Variants in TENM2 observed in about 807,000 individuals in gnomAD.
TENM2 encodes teneurin-2.
In TENM2, 52 loss-of-function variants were observed where a neutral mutation model predicts 245.2. The observed-to-expected ratio is 0.21, with a 90% CI of 0.17 to 0.27. The LOEUF is 0.27. Among genes scored for constraint, TENM2 ranks in the 10% least tolerant of loss-of-function variants. The pLI, the probability that TENM2 is intolerant of heterozygous loss-of-function variation, is 1.00. For missense variants in TENM2, 3,046 were observed against 3,666.8 expected (o/e 0.83, Z 4.37); for synonymous variants, 1,363 against 1,438.9 (o/e 0.95, Z 1.19).
chr5:167,702,636 TTTTTGTTTG>T (rs1453604185), intron 2 of TENM2, among the ~76,000 whole-genome samples: 52 of 150,892 alleles, frequency 3.4e-4, no homozygotes, highest in African/African-American at 1.2e-3. Context: ...TTTTTTTGTT[TTTTTGTTTG>T]TTTTGTTTGT....
the TENM2 span, among the ~76,000 whole-genome samples, chr5:167,153,086 T>A: frequency 6.8e-6 from 1 of 147,072 alleles, no homozygotes; most frequent in Admixed American, 6.8e-5. Flanking sequence ...GCCATCACAA[T>A]CAATGAATAC....
At chr5:166,988,721 G>C in the TENM2 span, among the ~76,000 whole-genome samples, 1 of 152,190 alleles carries the variant, frequency 6.6e-6, no homozygotes, top group Non-Finnish European at 1.5e-5. Context: ...TCAGTGGCCT[G>C]GCTGGAGCCC....
At chr5:167,552,541 CA>C (rs1229480600) in intron 2 of TENM2, among the ~76,000 whole-genome samples, 1 of 151,860 alleles carries the variant, frequency 6.6e-6, no homozygotes, top group Admixed American at 6.6e-5. Flanking sequence ...CCGCCGCCCA[CA>C]AAAAAGGGAT....
intron 2 of TENM2, among the ~76,000 whole-genome samples, chr5:167,426,544 TAC>T (rs1763838386): frequency 1.7e-5 from 1 of 58,290 alleles, no homozygotes; most frequent in Non-Finnish European, 3.3e-5. Flanking sequence ...ACCTTGCCTT[TAC>T]AAAAAAAAAA....
chr5:167,333,546 T>TAAAAGAAATATA (rs1295384961), intron 1 of TENM2, among the ~76,000 whole-genome samples: 3 of 152,186 alleles, frequency 2.0e-5, no homozygotes, highest in Non-Finnish European at 4.4e-5. Flanking sequence ...AAAGAAATTA[T>TAAAAGAAATATA]ATGTCCTTGG....
intron 2 of TENM2, among the ~76,000 whole-genome samples, chr5:167,796,011 A>G (rs766332030): frequency 3.5e-4 from 54 of 152,308 alleles, no homozygotes; most frequent in Admixed American, 5.9e-4. Context: ...TGGTGAAAGC[A>G]AAGGGAAAAG....
At chr5:168,073,561 G>A (rs1791209340) in intron 7 of TENM2, among the ~76,000 whole-genome samples, 1 of 152,162 alleles carries the variant, frequency 6.6e-6, no homozygotes, top group Non-Finnish European at 1.5e-5. Flanking sequence ...GACCTAGGGG[G>A]GCAGCCCCTC....
chr5:167,766,647 C>T (rs995974800), intron 2 of TENM2, among the ~76,000 whole-genome samples: 7 of 152,002 alleles, frequency 4.6e-5, no homozygotes, highest in Admixed American at 1.3e-4. Context: ...GAGGCTGAGG[C>T]GGGCAGATCA....
At chr5:168,025,761 C>T (rs1485645926) in intron 5 of TENM2, among the ~76,000 whole-genome samples, 2 of 152,120 alleles carry the variant, frequency 1.3e-5, no homozygotes, top group African/African-American at 4.8e-5. Flanking sequence ...ATAAGTGGAA[C>T]ATGAAAAGAT....
chr5:168,107,428 T>C (rs1477951707), intron 9 of TENM2, among the ~76,000 whole-genome samples: 2 of 152,106 alleles, frequency 1.3e-5, no homozygotes, highest in African/African-American at 4.8e-5. Flanking sequence ...ATAAAAGCTT[T>C]GGTTTAAAGA....
intron 2 of TENM2, among the ~76,000 whole-genome samples, chr5:167,698,974 G>A (rs1757969891): frequency 6.6e-6 from 1 of 151,942 alleles, no homozygotes; most frequent in Non-Finnish European, 1.5e-5. Context: ...GAGCCACCCT[G>A]CCCGGCCCCA....
intron 2 of TENM2, among the ~76,000 whole-genome samples, chr5:167,454,420 CAG>C (rs1035527959): frequency 2.6e-5 from 4 of 151,218 alleles, no homozygotes; most frequent in African/African-American, 4.9e-5. Flanking sequence ...TGGCTTAAAA[CAG>C]AGTTAAAAAA....
At chr5:167,189,007 C>CT in the TENM2 span, among the ~76,000 whole-genome samples, 2 of 152,176 alleles carry the variant, frequency 1.3e-5, no homozygotes, top group East Asian at 1.9e-4. Context: ...CATTTTAACA[C>CT]TTTTTTCCTG....
In TENM2 at chr5:167,461,826, T is replaced by A. The variant is rs73363821; in HGVS notation, c.502+86353T>A. Among the ~76,000 whole-genome samples the A allele has an allele frequency of 7.6e-3, 1,152 of 152,328 alleles. 8 individuals are homozygous for A. The highest frequency in any genetic ancestry group is 0.027 in the African/African-American group (1,105 of 41,566). ...GATTCTAATTTATATATATTTTGTT[T>A]GCTTGTTTCACCTAAAAGTTAATAT... On this transcript the variant is annotated intron_variant, in intron 2 of 28. Coordinates refer to ENST00000518659, the Ensembl canonical transcript of TENM2.
chr5:166,987,051 C>T, the TENM2 span, among the ~76,000 whole-genome samples: 1 of 152,170 alleles, frequency 6.6e-6, no homozygotes, highest in Non-Finnish European at 1.5e-5. Context: ...AACTCTTCTT[C>T]CTACAGCAGT....
the TENM2 span, among the ~76,000 whole-genome samples, chr5:167,017,085 A>AT: frequency 1.3e-5 from 2 of 152,190 alleles, no homozygotes; most frequent in African/African-American, 4.8e-5. Context: ...CTTCCCTCCC[A>AT]TTGTTTACAG....
At chr5:167,107,312 GAGAA>G in the TENM2 span, among the ~76,000 whole-genome samples, 2 of 150,672 alleles carry the variant, frequency 1.3e-5, no homozygotes, top group Non-Finnish European at 2.9e-5. Flanking sequence ...AAAAGAAAGA[GAGAA>G]AGAAAGAAAA....
chr5:167,584,634 C>T (rs567243636), intron 2 of TENM2, among the ~76,000 whole-genome samples: 3 of 152,018 alleles, frequency 2.0e-5, no homozygotes, highest in Non-Finnish European at 2.9e-5. Flanking sequence ...CATCAATCGG[C>T]CTTAGATTCC....
At chr5:168,120,439 AC>A (rs1414749549) in intron 10 of TENM2, among the ~76,000 whole-genome samples, 1 of 152,294 alleles carries the variant, frequency 6.6e-6, no homozygotes, top group Admixed American at 6.5e-5. Context: ...GGTTAAAACG[AC>A]CTTTTGCATG....
Sources: allele counts gnomAD v4.1 joint callset (sites outside exome capture counted in the v4.1 genomes callset), GRCh38; gene constraint gnomAD v4.1.1; transcripts MANE v1.5; gene names NCBI Gene and HGNC (gene_info 2026-07-23, HGNC 2026-07-21).